The following LRRIQ3 variants were observed in gnomAD, a reference collection of about 807,000 sequenced individuals.
The protein encoded by LRRIQ3 is leucine-rich repeat and IQ domain-containing protein 3.
A neutral mutation model predicts 59.3 loss-of-function variants in LRRIQ3; 75 were observed. The ratio of observed to expected loss-of-function variants is 1.26; its 90% CI spans 1.05 to 1.53. LRRIQ3 has a LOEUF of 1.53. Ranked by LOEUF, LRRIQ3 falls within the 40% of genes most tolerant of loss-of-function variation. The pLI, the probability that LRRIQ3 is intolerant of heterozygous loss-of-function variation, is 0.00. For synonymous variants in LRRIQ3, 250 were observed against 231.3 expected (o/e 1.08, Z -0.73); for missense variants, 831 against 710.0 (o/e 1.17, Z -1.94).
At chr1:74,180,595 T>TA in intron 3 of LRRIQ3, 2 of 897,644 alleles carry the variant, frequency 2.2e-6, no homozygotes, top group Non-Finnish European at 3.3e-6. Flanking sequence ...TAGAGGAGTA[T>TA]TTCCACACTT....
intron 4 of LRRIQ3, among the ~76,000 whole-genome samples, chr1:74,145,540 G>C (rs1012244649): frequency 1.3e-5 from 2 of 152,018 alleles, no homozygotes; most frequent in Admixed American, 6.6e-5. Context: ...AATTTTATGT[G>C]AGAAGGATTT....
chr1:74,100,060 A>G (rs1041972427), intron 5 of LRRIQ3, among the ~76,000 whole-genome samples: 4 of 152,158 alleles, frequency 2.6e-5, no homozygotes, highest in Non-Finnish European at 5.9e-5. Context: ...TGGCCAGGGC[A>G]ATCAGGCAGG....
Position 74,098,515 on chromosome 1 carries a change from G to A in LRRIQ3, c.867+10879C>T, listed in dbSNP as rs546158361. On this transcript the variant is annotated intron_variant, in intron 5 of 7. Transcript: ENST00000354431. ...ATCAACGAGACAGAAAGTTAAAAAG[G>A]ATATCCAGGAATTGAACTCAGCTCT... Among the ~76,000 whole-genome samples the A allele has an allele frequency of 8.5e-5, 13 of 152,070 alleles. No individual in the cohort carries two copies. The East Asian group carries it at 2.5e-3, about 29-fold the overall frequency.
chr1:74,148,061 A>T (rs1472876473), intron 4 of LRRIQ3, among the ~76,000 whole-genome samples: 1 of 152,054 alleles, frequency 6.6e-6, no homozygotes, highest in Non-Finnish European at 1.5e-5. Flanking sequence ...CATTTCAAAT[A>T]TATTTTTTCC....
At chr1:74,080,168 C>CA (rs200077678) in intron 5 of LRRIQ3, among the ~76,000 whole-genome samples, 11,751 of 150,276 alleles carry the variant, frequency 0.078, 570 homozygotes, top group Non-Finnish European at 0.12. Context: ...ATATCACACA[C>CA]AAAAAAAACC....
intron 7 of LRRIQ3, among the ~76,000 whole-genome samples, chr1:74,039,491 C>T (rs543040346): frequency 6.6e-6 from 1 of 152,180 alleles, no homozygotes; most frequent in East Asian, 1.9e-4. Flanking sequence ...CACTAAGATA[C>T]TCCATGAGAA....
chr1:74,063,183 G>A (rs1488860066), intron 6 of LRRIQ3, among the ~76,000 whole-genome samples: 3 of 150,950 alleles, frequency 2.0e-5, no homozygotes, highest in African/African-American at 4.8e-5. Context: ...TAATTTACAC[G>A]TATTTGTATA....
At chr1:74,128,090 T>C (rs1347778318) in intron 4 of LRRIQ3, among the ~76,000 whole-genome samples, 1 of 152,046 alleles carries the variant, frequency 6.6e-6, no homozygotes, top group Non-Finnish European at 1.5e-5. Context: ...TTGCCAGATA[T>C]ATTGGAGCTC....
chr1:74,184,112 A>G (rs576421819), intron 1 of LRRIQ3, among the ~76,000 whole-genome samples: 135 of 152,194 alleles, frequency 8.9e-4, no homozygotes, highest in African/African-American at 3.2e-3. Flanking sequence ...CAGGAGAGTG[A>G]TAATCTTTGT....
At chr1:74,187,353 TACACACAC>T (rs58321456) in intron 1 of LRRIQ3, among the ~76,000 whole-genome samples, 5 of 55,298 alleles carry the variant, frequency 9.0e-5, no homozygotes, top group East Asian at 2.7e-3. Context: ...GGTATATGTT[TACACACAC>T]ACACACACAC....
chr1:74,196,518 A>C (rs1233313268), intron 1 of LRRIQ3, among the ~76,000 whole-genome samples: 1 of 152,132 alleles, frequency 6.6e-6, no homozygotes, highest in South Asian at 2.1e-4. Context: ...ATACACACAC[A>C]AACTTCCATT....
At chr1:74,168,193 A>G (rs1264109921) in intron 3 of LRRIQ3, among the ~76,000 whole-genome samples, 1 of 152,076 alleles carries the variant, frequency 6.6e-6, no homozygotes, top group South Asian at 2.1e-4. Flanking sequence ...AAGTATTGAC[A>G]TCTCCAACTA....
At chr1:74,159,249 CTATT>C (rs1648522887) in intron 3 of LRRIQ3, among the ~76,000 whole-genome samples, 1 of 152,060 alleles carries the variant, frequency 6.6e-6, no homozygotes, top group South Asian at 2.1e-4. Flanking sequence ...AATAAGGTCT[CTATT>C]TATTAATCCT....
chr1:74,091,839 C>T (rs1364995245), intron 5 of LRRIQ3, among the ~76,000 whole-genome samples: 1 of 152,030 alleles, frequency 6.6e-6, no homozygotes. Flanking sequence ...TTTTCTATTG[C>T]TTTGCCAATT....
In LRRIQ3 at chr1:74,133,540, T is replaced by G. The variant is rs1354844656; in HGVS notation, c.707+22193A>C. On this transcript the variant is annotated intron_variant, in intron 4 of 7. Transcript: ENST00000354431. ...TGGAATACTATGCAGCCATAAAAAA[T>G]GATGAGTTCATGTCCTTTGTAGGCA... Among the ~76,000 whole-genome samples the G allele has an allele frequency of 5.9e-5, 9 of 152,136 alleles. No homozygotes were observed. The East Asian group carries it at 9.7e-4, about 16-fold the overall frequency.
At chr1:74,078,316 G>A (rs1217941624) in intron 5 of LRRIQ3, among the ~76,000 whole-genome samples, 2 of 151,734 alleles carry the variant, frequency 1.3e-5, no homozygotes, top group East Asian at 1.9e-4. Flanking sequence ...TTATATAAAT[G>A]AGAAGTAAAA....
At chr1:74,109,925 T>A (rs1646670909) in intron 4 of LRRIQ3, among the ~76,000 whole-genome samples, 2 of 151,752 alleles carry the variant, frequency 1.3e-5, no homozygotes, top group African/African-American at 2.4e-5. Context: ...ACTTTTTAAA[T>A]GAGGTAACAG....
Position 74,080,043 on chromosome 1 carries a change from A to G in LRRIQ3, c.868-5253T>C, listed in dbSNP as rs1054346826. 1.3e-4 allele frequency among the ~76,000 whole-genome samples: 20 copies of G among 151,668 alleles called. 1 individual carries two copies. Among genetic ancestry groups the G allele is most frequent in the Admixed American group, 6.6e-5 (1 of 15,158 alleles). On this transcript the variant is annotated intron_variant, in intron 5 of 7. Transcript: ENST00000354431. Reference sequence around the variant, plus strand: ...ATTCTCTGAATTTTTTGGTGTTTCTATCAACTTATCAATTTCTGAATTTGT... The same window carrying G: ...ATTCTCTGAATTTTTTGGTGTTTCTGTCAACTTATCAATTTCTGAATTTGT...
intron 6 of LRRIQ3, among the ~76,000 whole-genome samples, chr1:74,072,079 G>T: frequency 6.6e-6 from 1 of 152,020 alleles, no homozygotes; most frequent in East Asian, 1.9e-4. Flanking sequence ...TTACTTTTAA[G>T]GGTAGTTTGA....
Sources: allele counts gnomAD v4.1 joint callset (sites outside exome capture counted in the v4.1 genomes callset), GRCh38; gene constraint gnomAD v4.1.1; transcripts MANE v1.5; gene names NCBI Gene and HGNC (gene_info 2026-07-23, HGNC 2026-07-21).